The following FAF1 variants were observed in gnomAD, a reference collection of about 807,000 sequenced individuals.
FAF1 encodes the protein Fas associated factor 1, also known as FAS-associated factor 1.
Under a neutral mutation model 92.5 loss-of-function variants are expected in FAF1, and 25 were observed. The observed-to-expected ratio is 0.27, with a 90% CI of 0.20 to 0.38. The LOEUF (loss-of-function observed/expected upper bound fraction) is 0.38, where lower values mean the gene tolerates loss of function less well. FAF1 is among the 10% of genes least tolerant of loss of function. FAF1 has a pLI of 1.00. For missense variants in FAF1, 636 were observed against 793.3 expected, an observed-to-expected ratio of 0.80 and a Z score of 2.38; for synonymous variants, 234 against 273.2, an observed-to-expected ratio of 0.86 and a Z score of 1.42.
At chr1:50,805,534 GA>G (rs1662160488) in intron 2 of FAF1, among the ~76,000 whole-genome samples, 1 of 152,094 alleles carries the variant, frequency 6.6e-6, no homozygotes, top group South Asian at 2.1e-4. Flanking sequence ...TTGGGGGAAG[GA>G]AATGGCAAAA....
chr1:50,945,577 A>G (rs1645167250), intron 1 of FAF1, among the ~76,000 whole-genome samples: 1 of 152,210 alleles, frequency 6.6e-6, no homozygotes, highest in South Asian at 2.1e-4. Context: ...TGGGCAGTGT[A>G]CACTCAATCA....
chr1:50,858,546 A>G (rs1460372252), intron 1 of FAF1, among the ~76,000 whole-genome samples: 1 of 151,806 alleles, frequency 6.6e-6, no homozygotes, highest in East Asian at 1.9e-4. Flanking sequence ...CGAAATACAC[A>G]CCAGGTAAGA....
At chr1:50,578,218 G>T (rs1229790745) in intron 12 of FAF1, among the ~76,000 whole-genome samples, 2 of 152,098 alleles carry the variant, frequency 1.3e-5, no homozygotes, top group Admixed American at 6.5e-5. Context: ...GAAGAATGCT[G>T]GTGTTTGAGG....
intron 7 of FAF1, among the ~76,000 whole-genome samples, chr1:50,675,368 C>G (rs1442523248): frequency 6.6e-6 from 1 of 152,156 alleles, no homozygotes; most frequent in African/African-American, 2.4e-5. Flanking sequence ...GTAAGTAACA[C>G]AAATGAATGA....
intron 1 of FAF1, among the ~76,000 whole-genome samples, chr1:50,949,579 A>G (rs1321320732): frequency 6.6e-6 from 1 of 152,244 alleles, no homozygotes; most frequent in East Asian, 1.9e-4. Flanking sequence ...TAGGCTTTGC[A>G]GGACATGCAG....
intron 1 of FAF1, among the ~76,000 whole-genome samples, chr1:50,900,527 G>C (rs1644787957): frequency 1.3e-5 from 2 of 152,040 alleles, no homozygotes; most frequent in South Asian, 4.1e-4. Context: ...AGACCAGTCT[G>C]ACTCCAAATT....
intron 1 of FAF1, among the ~76,000 whole-genome samples, chr1:50,908,546 C>G (rs1443872946): frequency 6.6e-6 from 1 of 152,202 alleles, no homozygotes; most frequent in Non-Finnish European, 1.5e-5. Context: ...CTTTATGAAT[C>G]TAGGTGCTCC....
chr1:50,716,740 A>T (rs888595981), intron 6 of FAF1, among the ~76,000 whole-genome samples: 1 of 152,208 alleles, frequency 6.6e-6, no homozygotes, highest in Non-Finnish European at 1.5e-5. Context: ...CTGTGTGCGT[A>T]GCTAAAGGAC....
At chr1:50,626,449 T>A (rs1352148872) in intron 8 of FAF1, among the ~76,000 whole-genome samples, 1 of 152,102 alleles carries the variant, frequency 6.6e-6, no homozygotes, top group Non-Finnish European at 1.5e-5. Context: ...AGAATAAGAA[T>A]TATACAGGAT....
chr1:50,688,121 G>A (rs1656753362), intron 7 of FAF1, among the ~76,000 whole-genome samples: 1 of 151,396 alleles, frequency 6.6e-6, no homozygotes, highest in Non-Finnish European at 1.5e-5. Context: ...GGGCAACAGA[G>A]CGAGACTCTA....
At chr1:50,911,624 C>A (rs1390157847) in intron 1 of FAF1, among the ~76,000 whole-genome samples, 1 of 151,908 alleles carries the variant, frequency 6.6e-6, no homozygotes, top group Non-Finnish European at 1.5e-5. Flanking sequence ...TTGAACCCAG[C>A]AGGCAGAGGT....
At chr1:50,509,369 T>C (rs572456862) in intron 15 of FAF1, among the ~76,000 whole-genome samples, 221 of 152,160 alleles carry the variant, frequency 1.5e-3, no homozygotes, top group African/African-American at 5.1e-3. Flanking sequence ...CCCAGCACTT[T>C]GGGAGGTTGA....
At chr1:50,485,888 G>A (rs1557964601) in intron 17 of FAF1, among the ~76,000 whole-genome samples, 1 of 151,970 alleles carries the variant, frequency 6.6e-6, no homozygotes. Context: ...CGGAGGAAGT[G>A]CCACATTTTT....
intron 7 of FAF1, among the ~76,000 whole-genome samples, chr1:50,675,704 A>G (rs1427421544): frequency 2.0e-5 from 3 of 152,174 alleles, no homozygotes; most frequent in African/African-American, 7.2e-5. Flanking sequence ...CCAGTTTGCA[A>G]CCTCTGCAGG....
In FAF1 at chr1:50,729,350, C is replaced by A. The variant is rs113307988; in HGVS notation, c.551+9513G>T. On this transcript the variant is annotated intron_variant, in intron 6 of 18. Transcript: ENST00000396153. The stretch of plus-strand genomic sequence containing the variant: ...GATTACAGGTGTGAGCCACCACGCC[C>A]GGCCTATCTACTCATTTTTATTATC... Among the ~76,000 whole-genome samples the A allele has an allele frequency of 3.1e-3, 456 of 146,914 alleles. 4 individuals are homozygous for A. The highest frequency in any genetic ancestry group is 0.011 in the African/African-American group (430 of 39,784).
At chr1:50,634,370 A>G (rs11205748) in intron 8 of FAF1, among the ~76,000 whole-genome samples, 10,970 of 152,312 alleles carry the variant, frequency 0.072, 429 homozygotes, top group African/African-American at 0.1. Context: ...AGTACAACTT[A>G]ATAAGCTGGA....
intron 6 of FAF1, among the ~76,000 whole-genome samples, chr1:50,714,429 C>A (rs1658090614): frequency 6.6e-6 from 1 of 151,966 alleles, no homozygotes; most frequent in South Asian, 2.1e-4. Context: ...AGGAGAATCT[C>A]TTGAACCTGG....
intron 2 of FAF1, among the ~76,000 whole-genome samples, chr1:50,833,227 T>A (rs907925023): frequency 1.3e-5 from 2 of 152,078 alleles, no homozygotes; most frequent in African/African-American, 4.8e-5. Context: ...CACAATGCAG[T>A]CCATCTTGGC....
intron 1 of FAF1, among the ~76,000 whole-genome samples, chr1:50,866,515 C>T (rs1450586124): frequency 6.6e-6 from 1 of 151,960 alleles, no homozygotes; most frequent in Non-Finnish European, 1.5e-5. Flanking sequence ...AAATCAAATA[C>T]ACAAATCAGT....
Sources: allele counts gnomAD v4.1 joint callset (sites outside exome capture counted in the v4.1 genomes callset), GRCh38; gene constraint gnomAD v4.1.1; transcripts MANE v1.5; gene names NCBI Gene and HGNC (gene_info 2026-07-23, HGNC 2026-07-21).